SYN3: variants seen among roughly 807,000 people sequenced by gnomAD.
The protein encoded by SYN3 is synapsin III, also known as synapsin-3.
Under a neutral mutation model 65.8 loss-of-function variants are expected in SYN3, and 35 were observed. The observed-to-expected ratio is 0.53, with a 90% CI of 0.41 to 0.70. The LOEUF (loss-of-function observed/expected upper bound fraction) is 0.70. Ranked by LOEUF, SYN3 falls within the 30% of genes least tolerant of loss-of-function variation. SYN3 has a pLI of 0.00. For synonymous variants in SYN3, 270 were observed against 292.9 expected (o/e 0.92, Z 0.80); for missense variants, 680 against 749.0 (o/e 0.91, Z 1.08).
chr22:32,665,489 GTATATA>G (rs130731), intron 6 of SYN3, among the ~76,000 whole-genome samples: 4 of 141,356 alleles, frequency 2.8e-5, no homozygotes, highest in African/African-American at 1.2e-4. Context: ...CACAGTGTGT[GTATATA>G]TATATATATA....
chr22:32,649,035 T>C (rs993257724), intron 6 of SYN3, among the ~76,000 whole-genome samples: 15 of 152,226 alleles, frequency 9.9e-5, no homozygotes, highest in African/African-American at 2.9e-4. Flanking sequence ...CGTTCCTAAT[T>C]CTTCACCCCT....
chr22:32,525,772 C>T (rs536014194), intron 12 of SYN3, among the ~76,000 whole-genome samples: 20 of 151,676 alleles, frequency 1.3e-4, no homozygotes, highest in Admixed American at 9.8e-4. Flanking sequence ...TAGAATATTA[C>T]GTAAACTTAG....
At chr22:33,035,340 C>CCCT (rs1556217458) in intron 1 of SYN3, among the ~76,000 whole-genome samples, 2 of 107,386 alleles carry the variant, frequency 1.9e-5, no homozygotes, top group Non-Finnish European at 4.0e-5. Context: ...ACCCCCCCCC[C>CCCT]CCCCGCCACC....
At chr22:33,001,371 C>T (rs1018571448) in intron 2 of SYN3, among the ~76,000 whole-genome samples, 42 of 152,316 alleles carry the variant, frequency 2.8e-4, no homozygotes, top group African/African-American at 1.0e-3. Context: ...TGAGGCCACT[C>T]ATTGCATTTC....
At chr22:32,596,886 C>T (rs1232257248) in intron 6 of SYN3, 150 bp from the exon 7 acceptor site, 2 of 765,102 alleles carry the variant, frequency 2.6e-6, no homozygotes, top group African/African-American at 1.8e-5. Context: ...CCAGCCATGG[C>T]CCAAACACCC....
At chr22:32,911,079 A>G (rs2146580261) in intron 4 of SYN3, among the ~76,000 whole-genome samples, 1 of 152,326 alleles carries the variant, frequency 6.6e-6, no homozygotes, top group Non-Finnish European at 1.5e-5. Flanking sequence ...AGCAATTTGC[A>G]CGAGGAGTTC....
intron 6 of SYN3, among the ~76,000 whole-genome samples, chr22:32,823,865 A>C (rs1404667787): frequency 6.6e-6 from 1 of 152,156 alleles, no homozygotes. Flanking sequence ...ACATCCCCAC[A>C]GTGCCCTGCC....
intron 6 of SYN3, among the ~76,000 whole-genome samples, chr22:32,606,104 T>C (rs751988763): frequency 2.0e-5 from 3 of 152,200 alleles, no homozygotes; most frequent in Non-Finnish European, 4.4e-5. Context: ...GACGGCAGTC[T>C]GCCCTTGCTC....
At chr22:32,900,074 C>CAAAA (rs1304834320) in intron 4 of SYN3, among the ~76,000 whole-genome samples, 4 of 3,956 alleles carry the variant, frequency 1.0e-3, no homozygotes, top group African/African-American at 2.2e-3. Context: ...GACTCCGTCT[C>CAAAA]AAAAAAAAAA....
chr22:32,807,345 A>G (rs2046773239), intron 6 of SYN3, among the ~76,000 whole-genome samples: 1 of 5,710 alleles, frequency 1.8e-4, no homozygotes, highest in Admixed American at 3.9e-3. Flanking sequence ...TATATAATAT[A>G]TAAATATATA....
At chr22:32,834,410 G>C (rs776722064) in intron 6 of SYN3, among the ~76,000 whole-genome samples, 2 of 152,032 alleles carry the variant, frequency 1.3e-5, no homozygotes, top group Non-Finnish European at 2.9e-5. Flanking sequence ...TGATCAGCCT[G>C]CCTTGGCCTC....
chr22:32,662,750 C>T (rs957446868), intron 6 of SYN3, among the ~76,000 whole-genome samples: 57 of 152,318 alleles, frequency 3.7e-4, no homozygotes, highest in Middle Eastern at 3.4e-3. Context: ...ACCTCAGCAT[C>T]CTCCCAACTT....
intron 6 of SYN3, among the ~76,000 whole-genome samples, chr22:32,685,481 C>A (rs2060577740): frequency 6.6e-6 from 1 of 152,164 alleles, no homozygotes; most frequent in Non-Finnish European, 1.5e-5. Context: ...TACAGGTGTA[C>A]CACTTCTTAT....
intron 4 of SYN3, among the ~76,000 whole-genome samples, chr22:32,880,515 CA>C (rs1329806708): frequency 4.6e-5 from 7 of 152,190 alleles, no homozygotes; most frequent in Non-Finnish European, 1.5e-5. Flanking sequence ...CAAGAGCAAT[CA>C]GTCACTGACC....
chr22:32,695,364 T>C (rs1189874390), intron 6 of SYN3, among the ~76,000 whole-genome samples: 1 of 152,246 alleles, frequency 6.6e-6, no homozygotes. Context: ...CATCCCATGT[T>C]AGATCTTGTC....
chr22:32,536,783 C>G (rs551741480), intron 9 of SYN3, among the ~76,000 whole-genome samples: 1 of 152,334 alleles, frequency 6.6e-6, no homozygotes, highest in South Asian at 2.1e-4. Flanking sequence ...ATGAAGCCAA[C>G]ACACAAAGAA....
intron 3 of SYN3, among the ~76,000 whole-genome samples, chr22:32,945,362 A>G: frequency 6.6e-6 from 1 of 152,194 alleles, no homozygotes; most frequent in Admixed American, 6.5e-5. Context: ...AATGGAACAG[A>G]ACAGAGCCCT....
At chr22:32,914,800 ACATTATATGG>A (rs2050146927) in intron 4 of SYN3, among the ~76,000 whole-genome samples, 1 of 152,168 alleles carries the variant, frequency 6.6e-6, no homozygotes, top group South Asian at 2.1e-4. Context: ...CTAGCTTATC[ACATTATATGG>A]CAAATAGTAA....
chr22:32,982,796 T>C (rs1449248678), intron 2 of SYN3, among the ~76,000 whole-genome samples: 1 of 152,218 alleles, frequency 6.6e-6, no homozygotes, highest in African/African-American at 2.4e-5. Flanking sequence ...GAGTATCAAC[T>C]CTTGTGCTAG....
Sources: gnomAD v4.1 joint callset for allele counts (sites outside exome capture counted in the v4.1 genomes callset) on GRCh38, gnomAD v4.1.1 for gene constraint, MANE v1.5 for transcripts, NCBI Gene and HGNC (gene_info 2026-07-23, HGNC 2026-07-21) for gene names.